TMEM232: variants seen among roughly 807,000 people sequenced by gnomAD.
TMEM232 encodes transmembrane protein 232.
In TMEM232, 80 loss-of-function variants were observed where a neutral mutation model predicts 78.8. The observed-to-expected ratio is 1.01, with a 90% confidence interval of 0.85 to 1.22. TMEM232 has a LOEUF of 1.22. Ranked by LOEUF, TMEM232 falls within the 50% of genes most tolerant of loss-of-function variation. The probability of loss-of-function intolerance (pLI) is 0.00; values close to 1 mark genes in which losing one functional copy is unlikely to be tolerated. For missense variants in TMEM232, 881 were observed against 742.2 expected, an observed-to-expected ratio of 1.19 and a Z score of -2.17; for synonymous variants, 297 against 254.3, an observed-to-expected ratio of 1.17 and a Z score of -1.60.
chr5:110,531,534 G>A (rs1001801671), intron 11 of TMEM232, among the ~76,000 whole-genome samples: 6 of 151,904 alleles, frequency 3.9e-5, no homozygotes, highest in Non-Finnish European at 8.8e-5. Context: ...AATCTCTTTC[G>A]CCTTTCAATC....
chr5:110,499,376 C>G (rs981663441), intron 12 of TMEM232, among the ~76,000 whole-genome samples: 1 of 152,096 alleles, frequency 6.6e-6, no homozygotes, highest in South Asian at 2.1e-4. Flanking sequence ...CTGAACCTCA[C>G]GAGTAGCAGG....
At chr5:110,509,108 T>C (rs1767380926) in intron 12 of TMEM232, among the ~76,000 whole-genome samples, 1 of 149,144 alleles carries the variant, frequency 6.7e-6, no homozygotes, top group African/African-American at 2.5e-5. Context: ...CACATATATA[T>C]GCAAAAATAA....
chr5:110,702,555 C>T (rs1234021277), intron 1 of TMEM232, among the ~76,000 whole-genome samples: 1 of 152,054 alleles, frequency 6.6e-6, no homozygotes, highest in Admixed American at 6.6e-5. Context: ...TACTATCTCT[C>T]CCTGTAATAC....
intron 12 of TMEM232, among the ~76,000 whole-genome samples, chr5:110,471,647 G>A (rs1762695140): frequency 6.6e-6 from 1 of 151,356 alleles, no homozygotes; most frequent in Middle Eastern, 3.2e-3. Context: ...AAAAAACCTG[G>A]CAGCCAAGAA....
chr5:110,434,614 C>G (rs995525178), intron 12 of TMEM232, among the ~76,000 whole-genome samples: 10 of 151,996 alleles, frequency 6.6e-5, no homozygotes, highest in South Asian at 2.1e-4. Flanking sequence ...TTCTATAATA[C>G]TACTATCATC....
intron 12 of TMEM232, among the ~76,000 whole-genome samples, chr5:110,483,575 A>G (rs1007996947): frequency 6.6e-6 from 1 of 152,044 alleles, no homozygotes; most frequent in Non-Finnish European, 1.5e-5. Flanking sequence ...CAGGGAGGGG[A>G]ACATCACACA....
intron 10 of TMEM232, among the ~76,000 whole-genome samples, chr5:110,569,281 T>C (rs1014164136): frequency 2.0e-5 from 3 of 151,954 alleles, no homozygotes; most frequent in Admixed American, 6.6e-5. Flanking sequence ...TTTCAAAATA[T>C]GTATTTTCCT....
intron 11 of TMEM232, among the ~76,000 whole-genome samples, chr5:110,557,060 T>C (rs568684250): frequency 6.6e-6 from 1 of 152,324 alleles, no homozygotes; most frequent in South Asian, 2.1e-4. Flanking sequence ...TTGGAGGTTT[T>C]GTTCATTCTT....
At chr5:110,699,901 G>A (rs1795231757) in intron 1 of TMEM232, among the ~76,000 whole-genome samples, 1 of 152,064 alleles carries the variant, frequency 6.6e-6, no homozygotes, top group Non-Finnish European at 1.5e-5. Context: ...GTGCTAAGGA[G>A]TTTCCTGATC....
At chr5:110,501,434 A>C (rs1766250736) in intron 12 of TMEM232, among the ~76,000 whole-genome samples, 1 of 152,078 alleles carries the variant, frequency 6.6e-6, no homozygotes, top group Non-Finnish European at 1.5e-5. Context: ...CCTTAAGAAG[A>C]AATTAAGTTG....
At chr5:110,635,062 A>G (rs1426661036) in intron 5 of TMEM232, among the ~76,000 whole-genome samples, 3 of 152,064 alleles carry the variant, frequency 2.0e-5, no homozygotes, top group African/African-American at 7.2e-5. Context: ...GTAAACAACT[A>G]TACACTAACA....
At chr5:110,477,378 T>C (rs1448695142) in intron 12 of TMEM232, among the ~76,000 whole-genome samples, 2 of 151,900 alleles carry the variant, frequency 1.3e-5, no homozygotes, top group Non-Finnish European at 2.9e-5. Flanking sequence ...TCAATTATTA[T>C]TCAAAGTAAC....
intron 12 of TMEM232, 82 bp downstream of exon 12, chr5:110,528,506 T>C: frequency 1.5e-6 from 2 of 1,354,228 alleles, no homozygotes; most frequent in South Asian, 1.8e-5. Context: ...AGTTAAATGA[T>C]GTGGCACATA....
rs1758798099 is a variant in TMEM232, at chr5:110,439,515, T to C, written c.1704-14599A>G. Among the ~76,000 whole-genome samples the C allele has an allele frequency of 1.3e-5, 2 of 151,952 alleles. 1 individual carries two copies. The highest frequency in any genetic ancestry group is 4.2e-4 in the South Asian group (2 of 4,814). ...CAGTCAAGGGCAGGCTCCAGGGTCC[T>C]TGGGCTTCTGCCATTCCTAGTGATC... On this transcript the variant is annotated intron_variant, in intron 12 of 13. Transcript: ENST00000455884.
chr5:110,551,943 T>G (rs77742170), intron 11 of TMEM232, among the ~76,000 whole-genome samples: 1 of 152,110 alleles, frequency 6.6e-6, no homozygotes, highest in African/African-American at 2.4e-5. Flanking sequence ...AAATAAAAAT[T>G]TAATGGCCAG....
chr5:110,529,700 AT>A lies in TMEM232; in HGVS notation c.1456-866del, dbSNP rs1446798251. Among the ~76,000 whole-genome samples the A allele has an allele frequency of 2.0e-4, 31 of 152,166 alleles. 1 individual carries two copies. The highest frequency in any genetic ancestry group is 2.0e-3 in the Admixed American group (31 of 15,276). On this transcript the variant is annotated intron_variant, in intron 11 of 13. Transcript: ENST00000455884. ...AAAAAAAATACCAAAATTTCCCATT[AT>A]TTAAGCAATATTTATTCAGGAAAAG...
intron 2 of TMEM232, among the ~76,000 whole-genome samples, chr5:110,733,823 T>A (rs575925238): frequency 1.3e-5 from 2 of 152,324 alleles, no homozygotes; most frequent in East Asian, 3.9e-4. Flanking sequence ...ACATGTACCC[T>A]TGAACCTAAA....
chr5:110,574,244 G>A (rs1177869242), intron 10 of TMEM232, among the ~76,000 whole-genome samples: 1 of 151,998 alleles, frequency 6.6e-6, no homozygotes, highest in Non-Finnish European at 1.5e-5. Context: ...AAAAGGAACT[G>A]TCACATTTTA....
Position 110,613,186 on chromosome 5 carries a change from T to C in TMEM232, c.902+5243A>G, listed in dbSNP as rs540056009. Among the ~76,000 whole-genome samples, 8 of 152,270 alleles carry C rather than the reference T, an allele frequency of 5.3e-5. No homozygotes were observed. In the East Asian group the frequency reaches 1.2e-3, roughly 22 times the overall value. On this transcript the variant is annotated intron_variant, in intron 8 of 13. Transcript: ENST00000455884. Reference sequence around the variant, plus strand: ...CTGTGATTGCCTTCCTTGAGCCCTTTTGTGGATCCTGAACCTGCTGTTTTC... The same window carrying C: ...CTGTGATTGCCTTCCTTGAGCCCTTCTGTGGATCCTGAACCTGCTGTTTTC...
Sources: gnomAD v4.1 joint callset for allele counts (sites outside exome capture counted in the v4.1 genomes callset) on GRCh38, gnomAD v4.1.1 for gene constraint, MANE v1.5 for transcripts, NCBI Gene and HGNC (gene_info 2026-07-23, HGNC 2026-07-21) for gene names.